FHIT: variants seen among roughly 807,000 people sequenced by gnomAD.
The protein encoded by FHIT is fragile histidine triad diadenosine triphosphatase.
FHIT carries 19 observed loss-of-function variants against 17.9 expected under a neutral mutation model. That is an observed-to-expected ratio of 1.06 (90% CI 0.74 to 1.56). FHIT has a LOEUF of 1.56. Ranked by LOEUF, FHIT falls within the 40% of genes most tolerant of loss-of-function variation. The pLI, the probability that FHIT is intolerant of heterozygous loss-of-function variation, is 0.00. For missense variants in FHIT, 248 were observed against 189.2 expected (o/e 1.31, Z -1.82); for synonymous variants, 81 against 69.7 (o/e 1.16, Z -0.81).
chr3:61,115,825 G>T (rs1191449129), intron 2 of FHIT, among the ~76,000 whole-genome samples: 1 of 152,126 alleles, frequency 6.6e-6, no homozygotes, highest in East Asian at 1.9e-4. Context: ...ATTGAAAAAA[G>T]AAAAAGGTGA....
chr3:60,795,816 C>T (rs1436550631), intron 4 of FHIT, among the ~76,000 whole-genome samples: 1 of 152,134 alleles, frequency 6.6e-6, no homozygotes, highest in Non-Finnish European at 1.5e-5. Flanking sequence ...GGACTGTCTG[C>T]TTTCCATTTT....
At chr3:61,045,813 C>G (rs2033758192) in intron 2 of FHIT, among the ~76,000 whole-genome samples, 1 of 152,054 alleles carries the variant, frequency 6.6e-6, no homozygotes, top group Non-Finnish European at 1.5e-5. Context: ...TGCAAGCAAA[C>G]TAGAAATCAT....
chr3:60,641,149 C>T lies in FHIT; in HGVS notation c.-17-104170G>A, dbSNP rs539247983. Among the ~76,000 whole-genome samples, 8 of 152,022 alleles carry T rather than the reference C, an allele frequency of 5.3e-5. No individual in the cohort carries two copies. The South Asian group carries it at 6.3e-4, about 12-fold the overall frequency. Reference sequence around the variant, plus strand: ...AAGCCAAGATTATGCCATTGCACTCCGGCCTGGGCAACAGGAGTGAAACTC... The same window carrying T: ...AAGCCAAGATTATGCCATTGCACTCTGGCCTGGGCAACAGGAGTGAAACTC... On this transcript the variant is annotated intron_variant, in intron 4 of 9. Transcript: ENST00000492590.
chr3:60,510,262 G>C (rs1304501682), intron 5 of FHIT, among the ~76,000 whole-genome samples: 2 of 152,256 alleles, frequency 1.3e-5, no homozygotes, highest in East Asian at 3.9e-4. Context: ...GGATTGATGG[G>C]TAACAGCTGC....
intron 2 of FHIT, among the ~76,000 whole-genome samples, chr3:61,092,105 G>A (rs2035503542): frequency 6.6e-6 from 1 of 150,976 alleles, no homozygotes; most frequent in Non-Finnish European, 1.5e-5. Context: ...AAAAAGAGTG[G>A]TGGGGTGGGG....
At chr3:60,648,429 T>C (rs1553687362) in intron 4 of FHIT, among the ~76,000 whole-genome samples, 1 of 152,038 alleles carries the variant, frequency 6.6e-6, no homozygotes, top group African/African-American at 2.4e-5. Context: ...TTAAGAACAA[T>C]TGTGCGTGGT....
intron 1 of FHIT, among the ~76,000 whole-genome samples, chr3:61,241,019 C>A (rs2040361325): frequency 6.6e-6 from 1 of 152,194 alleles, no homozygotes; most frequent in African/African-American, 2.4e-5. Context: ...ATCAGACCTG[C>A]CACTTTCTGA....
chr3:59,953,311 T>G (rs1318220728), intron 7 of FHIT, among the ~76,000 whole-genome samples: 2 of 152,110 alleles, frequency 1.3e-5, no homozygotes, highest in Non-Finnish European at 2.9e-5. Flanking sequence ...TCTCTCCTTA[T>G]GACTGTCTTC....
At chr3:61,157,909 A>T (rs1184643313) in intron 2 of FHIT, among the ~76,000 whole-genome samples, 1 of 152,178 alleles carries the variant, frequency 6.6e-6, no homozygotes, top group Non-Finnish European at 1.5e-5. Flanking sequence ...AGAGGTAGAG[A>T]TGGGATAAAA....
chr3:60,535,672 G>T (rs1385433107), intron 5 of FHIT: 1 of 151,476 alleles, frequency 6.6e-6, no homozygotes, highest in Non-Finnish European at 1.5e-5. Flanking sequence ...ATTAAGAAAA[G>T]CTTACATATT....
intron 7 of FHIT, among the ~76,000 whole-genome samples, chr3:59,948,788 T>C (rs1412312163): frequency 6.6e-6 from 1 of 152,188 alleles, no homozygotes; most frequent in Non-Finnish European, 1.5e-5. Flanking sequence ...TGTCTATTTA[T>C]GTCTTTTGTC....
rs182530218 is a variant in FHIT, at chr3:59,819,600, G to T, written c.349-67279C>A. On this transcript the variant is annotated intron_variant, in intron 8 of 9. Transcript: ENST00000492590. Reference sequence around the variant, plus strand: ...GGTAGCCGTATTAGCAGACAGGCTCGTGTTCTTCCAGACATTTTTCTGTAT... The same window carrying T: ...GGTAGCCGTATTAGCAGACAGGCTCTTGTTCTTCCAGACATTTTTCTGTAT... Among the ~76,000 whole-genome samples the T allele has an allele frequency of 1.8e-4, 28 of 152,236 alleles. 1 individual carries two copies. In the East Asian group the frequency reaches 5.2e-3, roughly 28 times the overall value.
At chr3:59,989,077 C>A (rs139334427) in intron 7 of FHIT, among the ~76,000 whole-genome samples, 3 of 152,096 alleles carry the variant, frequency 2.0e-5, no homozygotes, top group African/African-American at 7.2e-5. Context: ...TAAAGAGGTT[C>A]TGGGAAGGGG....
chr3:59,826,836 C>A (rs1469286526), intron 8 of FHIT, among the ~76,000 whole-genome samples: 1 of 152,272 alleles, frequency 6.6e-6, no homozygotes, highest in Non-Finnish European at 1.5e-5. Flanking sequence ...TTGATAATTA[C>A]TGCAAGTCTT....
At chr3:60,548,598 G>A (rs551283116) in intron 4 of FHIT, among the ~76,000 whole-genome samples, 2 of 152,232 alleles carry the variant, frequency 1.3e-5, no homozygotes, top group East Asian at 1.9e-4. Flanking sequence ...GAAAAAGAGC[G>A]CATATTTCCC....
chr3:61,053,094 C>G (rs1188421970), intron 2 of FHIT, among the ~76,000 whole-genome samples: 1 of 152,080 alleles, frequency 6.6e-6, no homozygotes. Flanking sequence ...CTAGAAGCAC[C>G]AGGTGCCCCC....
At chr3:59,942,993 TTC>T (rs761908268) in intron 7 of FHIT, among the ~76,000 whole-genome samples, 42 of 152,120 alleles carry the variant, frequency 2.8e-4, no homozygotes, top group Non-Finnish European at 5.3e-4. Flanking sequence ...GCCTGAGAGA[TTC>T]TGATAGTTCA....
intron 5 of FHIT, among the ~76,000 whole-genome samples, chr3:60,167,861 C>T (rs1438451631): frequency 2.0e-5 from 3 of 152,006 alleles, no homozygotes; most frequent in Non-Finnish European, 2.9e-5. Context: ...TGAGACCTCA[C>T]CTCTACAGAC....
intron 5 of FHIT, among the ~76,000 whole-genome samples, chr3:60,115,495 T>C (rs1007465139): frequency 6.6e-6 from 1 of 152,222 alleles, no homozygotes; most frequent in African/African-American, 2.4e-5. Flanking sequence ...TTTTCATTTA[T>C]ATTCAAGTCT....
Sources: allele counts gnomAD v4.1 joint callset (sites outside exome capture counted in the v4.1 genomes callset), GRCh38; gene constraint gnomAD v4.1.1; transcripts MANE v1.5; gene names NCBI Gene and HGNC (gene_info 2026-07-23, HGNC 2026-07-21).